Variants in NXPE1 observed in about 807,000 individuals in gnomAD.
NXPE1 encodes the protein neurexophilin and PC-esterase domain family member 1.
Under a neutral mutation model 33.3 loss-of-function variants are expected in NXPE1, and 31 were observed. That is an observed-to-expected ratio of 0.93 (90% CI 0.70 to 1.26). The LOEUF (loss-of-function observed/expected upper bound fraction) is 1.26, where lower values mean the gene tolerates loss of function less well. Ranked by LOEUF, NXPE1 falls within the 50% of genes most tolerant of loss-of-function variation. The probability of loss-of-function intolerance (pLI) is 0.00; values close to 1 mark genes in which losing one functional copy is unlikely to be tolerated. For missense variants in NXPE1, 661 were observed against 655.6 expected (o/e 1.01, Z -0.09); for synonymous variants, 229 against 231.4 (o/e 0.99, Z 0.09).
chr11:114,540,885 T>TTTTG (rs754802719), intron 5 of NXPE1, among the ~76,000 whole-genome samples: 1 of 81,290 alleles, frequency 1.2e-5, no homozygotes, highest in Admixed American at 1.3e-4. Context: ...TTTTTTTTTT[T>TTTTG]GGCTTGAACA....
chr11:114,537,033 A>G (rs1947856136), intron 5 of NXPE1, among the ~76,000 whole-genome samples: 1 of 152,234 alleles, frequency 6.6e-6, no homozygotes, highest in African/African-American at 2.4e-5. Flanking sequence ...AATCCGCAAT[A>G]AAATACTGGC....
intron 5 of NXPE1, among the ~76,000 whole-genome samples, chr11:114,550,247 A>AT (rs1261526376): frequency 1.3e-5 from 2 of 152,202 alleles, no homozygotes; most frequent in African/African-American, 4.8e-5. Flanking sequence ...GTGAAAGAGA[A>AT]TAGTTACAAA....
At chr11:114,542,154 T>A (rs927011874) in intron 5 of NXPE1, among the ~76,000 whole-genome samples, 1 of 152,248 alleles carries the variant, frequency 6.6e-6, no homozygotes, top group Admixed American at 6.5e-5. Context: ...TCTCACTTTA[T>A]CCTTATTTAT....
chr11:114,520,227 G>GC (rs1189285698), downstream of NXPE1, among the ~76,000 whole-genome samples: 4 of 152,106 alleles, frequency 2.6e-5, no homozygotes, highest in African/African-American at 9.7e-5. Flanking sequence ...CAATAGAACT[G>GC]CAAGTTTGTA....
chr11:114,528,544 G>T (rs1181903401), intron 6 of NXPE1, among the ~76,000 whole-genome samples: 1 of 152,216 alleles, frequency 6.6e-6, no homozygotes, highest in East Asian at 1.9e-4. Flanking sequence ...TAATGTGTGT[G>T]TCTGGTCCAC....
chr11:114,557,995 T>G (rs2135145923), intron 1 of NXPE1, among the ~76,000 whole-genome samples: 1 of 152,178 alleles, frequency 6.6e-6, no homozygotes, highest in East Asian at 1.9e-4. Flanking sequence ...TGCCCTTTGT[T>G]CCTCTCTTGC....
chr11:114,527,399 A>G (rs996143286), intron 7 of NXPE1, among the ~76,000 whole-genome samples: 1 of 152,270 alleles, frequency 6.6e-6, no homozygotes, highest in African/African-American at 2.4e-5. Context: ...TTTCATAAGT[A>G]ACAGGGCTTT....
intron 6 of NXPE1, chr11:114,528,716 C>T: frequency 1.9e-6 from 1 of 532,250 alleles, no homozygotes; most frequent in Non-Finnish European, 3.5e-6. Context: ...TGTATATGGC[C>T]ATGAAAGTGG....
At chr11:114,529,966 A>T (rs1947515829) in intron 6 of NXPE1, 1 of 523,276 alleles carries the variant, frequency 1.9e-6, no homozygotes, top group Admixed American at 3.6e-5. Context: ...AAGAACGGTT[A>T]TAGCAAAACA....
At chr11:114,550,871 C>T (rs550206883) in intron 5 of NXPE1, among the ~76,000 whole-genome samples, 61 of 152,092 alleles carry the variant, frequency 4.0e-4, no homozygotes, top group African/African-American at 1.3e-3. Flanking sequence ...ATTTTGGGAG[C>T]GTGTGCAAGG....
At chr11:114,524,879 T>C (rs183677669) in intron 7 of NXPE1, among the ~76,000 whole-genome samples, 180 of 152,318 alleles carry the variant, frequency 1.2e-3, no homozygotes, top group Non-Finnish European at 1.4e-3. Context: ...GGTAATAATA[T>C]CAGGATTCTG....
At chr11:114,524,493 G>A (rs1947309116) in intron 7 of NXPE1, among the ~76,000 whole-genome samples, 1 of 152,180 alleles carries the variant, frequency 6.6e-6, no homozygotes, top group Admixed American at 6.5e-5. Flanking sequence ...ACTTGGAATA[G>A]CTCTTAAGTC....
chr11:114,538,081 A>T (rs1439772160), intron 5 of NXPE1, among the ~76,000 whole-genome samples: 1 of 152,200 alleles, frequency 6.6e-6, no homozygotes, highest in African/African-American at 2.4e-5. Flanking sequence ...CAAAACAGAG[A>T]TGTAGACCAA....
intron 5 of NXPE1, among the ~76,000 whole-genome samples, chr11:114,548,170 A>T (rs1399330061): frequency 6.6e-6 from 1 of 152,204 alleles, no homozygotes; most frequent in African/African-American, 2.4e-5. Context: ...GAGTACAGAG[A>T]TACATGCTTA....
At chr11:114,554,198 T>C (rs1948596392) in intron 1 of NXPE1, 10 of 983,884 alleles carry the variant, frequency 1.0e-5, no homozygotes, top group Non-Finnish European at 1.2e-5. Context: ...TAATAGAAAC[T>C]TGTAGCTGGA....
At chr11:114,554,476 T>C (rs1948602868) in intron 1 of NXPE1, 15 of 654,568 alleles carry the variant, frequency 2.3e-5, no homozygotes, top group Non-Finnish European at 2.8e-5. Context: ...CTTTTCCAAA[T>C]ACATAAAATA....
chr11:114,523,852 T>C (rs1226694187), intron 7 of NXPE1, among the ~76,000 whole-genome samples: 1 of 152,248 alleles, frequency 6.6e-6, no homozygotes, highest in Non-Finnish European at 1.5e-5. Flanking sequence ...GGATTTGTTA[T>C]ATCAGGACTT....
rs1947347733 is a variant in NXPE1 at position 114,525,702 on chromosome 11, T to G, written c.895+2138A>C. On this transcript the variant is annotated intron_variant, in intron 7 of 8. Coordinates refer to ENST00000534921, the Ensembl canonical transcript of NXPE1. ...GCTTGAGTTGTAAAACCTGTCACTG[T>G]TTGATAAACTGCCTTTGTTCTGCTT... is the stretch of plus-strand genomic sequence containing the variant. 2.0e-5 allele frequency among the ~76,000 whole-genome samples: 3 copies of G among 152,212 alleles called. No individual in the cohort carries two copies. In the South Asian group the frequency reaches 6.2e-4, roughly 32 times the overall value.
intron 7 of NXPE1, among the ~76,000 whole-genome samples, chr11:114,525,481 T>A (rs1591255475): frequency 6.6e-6 from 1 of 151,986 alleles, no homozygotes; most frequent in Non-Finnish European, 1.5e-5. Flanking sequence ...CAGAGCCGGG[T>A]CCCAGAAGGG....
Sources: allele counts gnomAD v4.1 joint callset (sites outside exome capture counted in the v4.1 genomes callset), GRCh38; gene constraint gnomAD v4.1.1; transcripts MANE v1.5; gene names NCBI Gene and HGNC (gene_info 2026-07-23, HGNC 2026-07-21).